Variants in LYZL4 observed in about 807,000 individuals in gnomAD.
LYZL4 encodes lysozyme like 4.
In LYZL4, 13 loss-of-function variants were observed where a neutral mutation model predicts 17.6. The ratio of observed to expected loss-of-function variants is 0.74; its 90% CI spans 0.48 to 1.18. LYZL4 has a LOEUF of 1.18. LYZL4 is among the 50% of genes most tolerant of loss of function. The pLI is 0.00. For synonymous variants in LYZL4, 64 were observed against 67.7 expected, an observed-to-expected ratio of 0.95 and a Z score of 0.27; for missense variants, 174 against 188.2, an observed-to-expected ratio of 0.92 and a Z score of 0.44.
At chr3:42,388,638 C>A in the LYZL4 span, among the ~76,000 whole-genome samples, 1 of 152,172 alleles carries the variant, frequency 6.6e-6, no homozygotes, top group Non-Finnish European at 1.5e-5. Flanking sequence ...AAACTGAAAC[C>A]AGTAAAATTT....
At chr3:42,366,226 C>T in the LYZL4 span, among the ~76,000 whole-genome samples, 1 of 152,192 alleles carries the variant, frequency 6.6e-6, no homozygotes, top group Admixed American at 6.5e-5. Context: ...TGCTTCTGAA[C>T]TGCAGGCCCT....
chr3:42,375,886 A>G, the LYZL4 span, among the ~76,000 whole-genome samples: 1 of 152,194 alleles, frequency 6.6e-6, no homozygotes, highest in Non-Finnish European at 1.5e-5. Flanking sequence ...AATTCAGTCA[A>G]TTGGGAAATA....
At chr3:42,405,321 T>G (rs1559455931) in intron 3 of LYZL4, among the ~76,000 whole-genome samples, 1 of 152,214 alleles carries the variant, frequency 6.6e-6, no homozygotes, top group Non-Finnish European at 1.5e-5. Flanking sequence ...GTGCTGGGAT[T>G]ACAGGCGTGA....
At chr3:42,381,549 T>A in the LYZL4 span, among the ~76,000 whole-genome samples, 4 of 152,178 alleles carry the variant, frequency 2.6e-5, no homozygotes, top group South Asian at 2.1e-4. Flanking sequence ...AAGCCAGCGT[T>A]GAAACGACAG....
chr3:42,384,813 G>A, the LYZL4 span, among the ~76,000 whole-genome samples: 1 of 152,116 alleles, frequency 6.6e-6, no homozygotes, highest in Admixed American at 6.5e-5. Context: ...AGGGTAAGGA[G>A]CAAAAGACAG....
At chr3:42,390,340 C>A in the LYZL4 span, among the ~76,000 whole-genome samples, 1 of 152,200 alleles carries the variant, frequency 6.6e-6, no homozygotes, top group Non-Finnish European at 1.5e-5. Flanking sequence ...CCTAGCCACA[C>A]CTGGTGAACA....
chr3:42,375,536 A>G, the LYZL4 span, among the ~76,000 whole-genome samples: 6 of 152,206 alleles, frequency 3.9e-5, no homozygotes, highest in African/African-American at 1.4e-4. Context: ...ATTTTATGAA[A>G]TATGCAACTT....
rs1159752163 is a variant in LYZL4 at position 42,407,558 on chromosome 3, C to T, written c.-92-215G>A. 6 of 366,182 alleles carry T rather than the reference C, an allele frequency of 1.6e-5. No individual in the cohort carries two copies. The East Asian group carries it at 2.6e-4, about 16-fold the overall frequency. 22.7% of individuals were successfully genotyped at this position (366,182 alleles called of 1,614,324 possible). A position where few individuals can be genotyped will look rare whatever the true frequency, so the allele number is the denominator to read the frequency against. ...CCTCCCAACCCCAATTCTTTCCATC[C>T]AGCAAAACCCATTGGCTCCTTCTGG... is the stretch of plus-strand genomic sequence containing the variant. On this transcript the variant is annotated intron_variant, in intron 1 of 4. Transcript: ENST00000287748.
At chr3:42,383,735 A>C in the LYZL4 span, among the ~76,000 whole-genome samples, 2 of 152,138 alleles carry the variant, frequency 1.3e-5, no homozygotes, top group African/African-American at 2.4e-5. Flanking sequence ...AGAGCAAAGA[A>C]AGCCCTTAGA....
chr3:42,371,520 G>A, the LYZL4 span, among the ~76,000 whole-genome samples: 1 of 152,278 alleles, frequency 6.6e-6, no homozygotes, highest in South Asian at 2.1e-4. Flanking sequence ...CTTTTGATCT[G>A]GATGAAACAT....
the LYZL4 span, among the ~76,000 whole-genome samples, chr3:42,376,013 C>A: frequency 6.6e-6 from 1 of 152,172 alleles, no homozygotes; most frequent in Non-Finnish European, 1.5e-5. Context: ...AATGGCACCG[C>A]CTGCCACCCA....
chr3:42,365,451 G>T, the LYZL4 span, among the ~76,000 whole-genome samples: 1 of 152,090 alleles, frequency 6.6e-6, no homozygotes, highest in Non-Finnish European at 1.5e-5. Flanking sequence ...TGGGCTGAAG[G>T]TTGAACCTAG....
the LYZL4 span, among the ~76,000 whole-genome samples, chr3:42,361,855 A>G: frequency 9.2e-5 from 14 of 152,240 alleles, no homozygotes; most frequent in Non-Finnish European, 8.8e-5. Context: ...CTCTCCCACT[A>G]TCAACCTCCC....
At chr3:42,397,975 C>A (rs1698584496) in intron 4 of LYZL4, among the ~76,000 whole-genome samples, 1 of 152,142 alleles carries the variant, frequency 6.6e-6, no homozygotes, top group East Asian at 1.9e-4. Flanking sequence ...GTCACTCAGG[C>A]CAGCTGTACG....
chr3:42,387,217 C>T, the LYZL4 span, among the ~76,000 whole-genome samples: 686 of 152,132 alleles, frequency 4.5e-3, 2 homozygotes, highest in African/African-American at 0.016. Context: ...ATTTTGCAGA[C>T]GAGGGAAGTG....
At chr3:42,374,496 G>T in the LYZL4 span, among the ~76,000 whole-genome samples, 3 of 152,168 alleles carry the variant, frequency 2.0e-5, no homozygotes. Flanking sequence ...TTTAGTGATG[G>T]TTTCATGCCA....
the LYZL4 span, among the ~76,000 whole-genome samples, chr3:42,383,549 A>T: frequency 6.6e-6 from 1 of 152,182 alleles, no homozygotes; most frequent in Admixed American, 6.5e-5. Context: ...AATATAAATA[A>T]CCAAACAGGG....
chr3:42,363,729 G>A, the LYZL4 span, among the ~76,000 whole-genome samples: 1 of 152,140 alleles, frequency 6.6e-6, no homozygotes, highest in South Asian at 2.1e-4. Context: ...AGGAAGGGCG[G>A]ACAGAAAAAG....
chr3:42,396,807 G>T (rs1698556041), downstream of LYZL4, among the ~76,000 whole-genome samples: 1 of 152,214 alleles, frequency 6.6e-6, no homozygotes, highest in South Asian at 2.1e-4. Context: ...GGATTCTGTG[G>T]TCTCTCCCTT....
Sources: allele counts gnomAD v4.1 joint callset (sites outside exome capture counted in the v4.1 genomes callset), GRCh38; gene constraint gnomAD v4.1.1; transcripts MANE v1.5; gene names NCBI Gene and HGNC (gene_info 2026-07-23, HGNC 2026-07-21).